The following PRMT3 variants were observed in gnomAD, a reference collection of about 807,000 sequenced individuals.
PRMT3 encodes the protein protein arginine methyltransferase 3.
In PRMT3, 62 loss-of-function variants were observed where a neutral mutation model predicts 71.9. That is an observed-to-expected ratio of 0.86 (90% CI 0.70 to 1.07). The LOEUF is 1.07. PRMT3 is among the 50% of genes least tolerant of loss of function. The pLI is 0.00. For synonymous variants in PRMT3, 213 were observed against 220.4 expected (o/e 0.97, Z 0.30); for missense variants, 663 against 643.0 (o/e 1.03, Z -0.34).
Position 20,462,075 on chromosome 11 carries a change from A to G in PRMT3, c.1168A>G (p.Lys390Glu), listed in dbSNP as rs577139334. 5 of 1,613,392 alleles carry G rather than the reference A, an allele frequency of 3.1e-6. No individual in the cohort carries two copies. In the East Asian group the frequency reaches 6.7e-5, roughly 22 times the overall value. ...IAFWDDVYGFKMSCMKKAVIP... is the reference protein window; with the variant it reads ...IAFWDDVYGFEMSCMKKAVIP... ...TTTTTGGGATGATGTCTATGGCTTC[A>G]AGATGTCCTGCATGAAGAAAGCAGT... Residue 390 changes from lysine (K) to glutamate (E), a missense_variant, in exon 12 of 16, where the codon AAG (lysine) becomes GAG (glutamate). Coordinates refer to ENST00000331079, the MANE Select transcript of PRMT3 (RefSeq NM_005788.4).
chr11:20,456,320 C>G (rs1850266901), intron 11 of PRMT3, among the ~76,000 whole-genome samples: 1 of 152,190 alleles, frequency 6.6e-6, no homozygotes, highest in Non-Finnish European at 1.5e-5. Flanking sequence ...TTGCTTTACT[C>G]AAGGTCACAC....
chr11:20,440,177 C>G (rs906463625), intron 10 of PRMT3, among the ~76,000 whole-genome samples: 1 of 152,114 alleles, frequency 6.6e-6, no homozygotes, highest in Non-Finnish European at 1.5e-5. Flanking sequence ...GAGAAAATTT[C>G]TTAGTCAAAA....
intron 13 of PRMT3, among the ~76,000 whole-genome samples, chr11:20,479,193 A>G (rs989923131): frequency 6.6e-6 from 1 of 151,896 alleles, no homozygotes; most frequent in African/African-American, 2.4e-5. Flanking sequence ...TGAACTTTCT[A>G]CTCTGCTCTG....
intron 13 of PRMT3, among the ~76,000 whole-genome samples, chr11:20,471,944 T>A (rs1565227093): frequency 6.9e-6 from 1 of 145,382 alleles, no homozygotes; most frequent in South Asian, 2.1e-4. Flanking sequence ...TTCCTAGGTA[T>A]TTTTTTTTGT....
chr11:20,387,834 GC>G lies in PRMT3; in HGVS notation c.28+62del, dbSNP rs1848628772. On this transcript the variant is annotated intron_variant, in intron 1 of 15. Transcript: ENST00000331079. The surrounding 1 kb of genome is among the most constrained non-coding windows in gnomAD (Gnocchi z 4.3). The stretch of plus-strand genomic sequence containing the variant: ...CAGCCCCAGGCCGCGCCGCTGTGGG[GC>G]CGGTGGAAGACCCTCCGGGACACGG... The G allele has an allele frequency of 5.2e-6, 8 of 1,538,154 alleles. No individual in the cohort carries two copies. Among genetic ancestry groups the G allele is most frequent in the Non-Finnish European group, 7.0e-6 (8 of 1,144,238 alleles).
intron 7 of PRMT3, 99 bp from the exon 8 acceptor site, chr11:20,402,820 G>A: frequency 1.2e-6 from 1 of 817,112 alleles, no homozygotes; most frequent in South Asian, 2.0e-5. Context: ...AACTGCTATG[G>A]AAACTAGCAA....
chr11:20,432,789 T>C (rs1194656059), intron 10 of PRMT3, among the ~76,000 whole-genome samples: 2 of 152,200 alleles, frequency 1.3e-5, no homozygotes, highest in African/African-American at 4.8e-5. Context: ...TTGTTTGCAT[T>C]TTCCTGATGG....
In PRMT3 at chr11:20,402,246, A is replaced by G. The variant is rs1288109698; in HGVS notation, c.706-673A>G. Among the ~76,000 whole-genome samples the G allele has an allele frequency of 2.6e-5, 4 of 151,888 alleles. No homozygotes were observed. The East Asian group carries it at 5.8e-4, about 22-fold the overall frequency. ...GAGATTCTCCTGCCTCAGCCTCCCC[A>G]GTAGCTAGGATTACAGGCATGCGCC... On this transcript the variant is annotated intron_variant, in intron 7 of 15. Transcript: ENST00000331079.
intron 5 of PRMT3, among the ~76,000 whole-genome samples, chr11:20,394,236 A>G (rs1848777281): frequency 1.3e-5 from 2 of 152,248 alleles, no homozygotes; most frequent in African/African-American, 2.4e-5. Flanking sequence ...AAGTTAGATC[A>G]GTAAATGGAC....
At chr11:20,391,060 A>T (rs950386245) in intron 3 of PRMT3, among the ~76,000 whole-genome samples, 9 of 152,040 alleles carry the variant, frequency 5.9e-5, no homozygotes, top group African/African-American at 1.4e-4. Context: ...AAAAAAAAAA[A>T]AATAATAGGT....
At chr11:20,448,894 C>T (rs1026579201) in intron 10 of PRMT3, among the ~76,000 whole-genome samples, 27 of 152,098 alleles carry the variant, frequency 1.8e-4, no homozygotes, top group Non-Finnish European at 3.4e-4. Context: ...AAATATCAGG[C>T]GTAATTCTCC....
At chr11:20,477,621 C>T (rs948183133) in intron 13 of PRMT3, among the ~76,000 whole-genome samples, 2 of 151,986 alleles carry the variant, frequency 1.3e-5, no homozygotes, top group African/African-American at 4.8e-5. Flanking sequence ...AGGGTATTTA[C>T]TCTCCTGAGG....
chr11:20,392,001 A>G (rs891404239), intron 3 of PRMT3, among the ~76,000 whole-genome samples: 2 of 152,334 alleles, frequency 1.3e-5, no homozygotes, highest in African/African-American at 4.8e-5. Flanking sequence ...ATACTAGAAA[A>G]GCTTTAATTT....
chr11:20,429,583 C>T lies in PRMT3; in HGVS notation c.993+2718C>T, dbSNP rs149311364. ...CAGTTGTTTGGAAGCCAAGGTTCTT[C>T]GAAACCAGTAATGAAAAACAAATCA... On this transcript the variant is annotated intron_variant, in intron 10 of 15. Transcript: ENST00000331079. Among the ~76,000 whole-genome samples the T allele has an allele frequency of 7.9e-5, 12 of 152,270 alleles. No homozygotes were observed. In the East Asian group the frequency reaches 1.9e-3, roughly 25 times the overall value.
intron 11 of PRMT3, among the ~76,000 whole-genome samples, chr11:20,458,223 G>T (rs1019112147): frequency 6.6e-6 from 1 of 151,926 alleles, no homozygotes; most frequent in Non-Finnish European, 1.5e-5. Context: ...TATCTCCTTT[G>T]TTTTAAATCT....
chr11:20,389,339 T>C (rs1365479485), intron 2 of PRMT3, among the ~76,000 whole-genome samples: 1 of 152,148 alleles, frequency 6.6e-6, no homozygotes, highest in Non-Finnish European at 1.5e-5. Flanking sequence ...CTAAAAGCAG[T>C]TTGAGCTGTG....
chr11:20,423,609 G>A (rs922561375), intron 9 of PRMT3, among the ~76,000 whole-genome samples: 3 of 152,016 alleles, frequency 2.0e-5, no homozygotes, highest in Admixed American at 2.0e-4. Context: ...GGCTTTCATC[G>A]TTGCTATTTT....
At chr11:20,394,405 A>T (rs1848780748) in intron 5 of PRMT3, among the ~76,000 whole-genome samples, 1 of 152,198 alleles carries the variant, frequency 6.6e-6, no homozygotes, top group African/African-American at 2.4e-5. Context: ...AAAATTATTG[A>T]ATGTGTAGAA....
Position 20,452,180 on chromosome 11 carries a change from G to A in PRMT3, c.1044G>A (p.Lys348=), listed in dbSNP as rs776921080. The A allele has an allele frequency of 6.2e-7, 1 of 1,610,570 alleles. No homozygotes were observed. The highest frequency in any genetic ancestry group is 8.5e-7 in the Non-Finnish European group (1 of 1,177,356). Reference sequence around the variant, plus strand: ...TGTTAGATTCTGTCCTTTATGCAAAGAACAAATACTTGGCAAAAGGAGGCT... The same window carrying A: ...TGTTAGATTCTGTCCTTTATGCAAAAAACAAATACTTGGCAAAAGGAGGCT... ...ESMLDSVLYA[K]NKYLAKGGSV... is the part of the protein sequence containing the mutation. Residue 348 remains lysine, a synonymous_variant, in exon 11 of 16, where the codon AAG becomes AAA. Transcript: ENST00000331079.
Sources: allele counts gnomAD v4.1 joint callset (sites outside exome capture counted in the v4.1 genomes callset), GRCh38; gene constraint gnomAD v4.1.1; non-coding constraint Gnocchi (gnomAD v3.1); transcripts MANE v1.5; gene names NCBI Gene and HGNC (gene_info 2026-07-23, HGNC 2026-07-21).